The following GLRA2 variants were observed in gnomAD, a reference collection of about 807,000 sequenced individuals.
The protein encoded by GLRA2 is glycine receptor alpha 2.
A neutral mutation model predicts 31.6 loss-of-function variants in GLRA2; 11 were observed. That is an observed-to-expected ratio of 0.35 (90% CI 0.22 to 0.58). GLRA2 has a LOEUF of 0.58. Ranked by LOEUF, GLRA2 falls within the 20% of genes least tolerant of loss-of-function variation. GLRA2 has a pLI of 0.84. For missense variants in GLRA2, 212 were observed against 351.8 expected (o/e 0.60, Z 3.18); for synonymous variants, 132 against 134.0 (o/e 0.99, Z 0.10).
intron 2 of GLRA2, among the ~76,000 whole-genome samples, chrX:14,549,551 G>A (rs751386678): frequency 9.0e-6 from 1 of 111,667 alleles, no homozygotes; most frequent in Admixed American, 9.5e-5. Context: ...TAGAAAACGG[G>A]CAAGATTCAC....
At chrX:14,690,667 C>G (rs1346802172) in intron 7 of GLRA2, 43 bp from the exon 8 acceptor site, 3 of 920,497 alleles carry the variant, frequency 3.3e-6, no homozygotes, top group Non-Finnish European at 4.7e-6. Flanking sequence ...CTTTCTCTCT[C>G]TCTCTCTCTC....
chrX:14,461,215 A>C, the GLRA2 span, among the ~76,000 whole-genome samples: 4 of 112,149 alleles, frequency 3.6e-5, no homozygotes, highest in Admixed American at 9.5e-5. Context: ...CTAGTCTGAA[A>C]GACAGTTGTG....
At chrX:14,610,403 G>A (rs1327649385) in intron 7 of GLRA2, among the ~76,000 whole-genome samples, 1 of 111,406 alleles carries the variant, frequency 9.0e-6, no homozygotes, top group Non-Finnish European at 1.9e-5. Context: ...GGTTTTATAT[G>A]GTCATAGAGA....
chrX:14,542,906 C>T (rs1279872776), intron 2 of GLRA2, among the ~76,000 whole-genome samples: 1 of 109,837 alleles, frequency 9.1e-6, no homozygotes, highest in Admixed American at 9.7e-5. Context: ...TTTCTGGAGT[C>T]CCCTTGGCTA....
At chrX:14,601,094 G>A (rs1342886121) in intron 4 of GLRA2, among the ~76,000 whole-genome samples, 1 of 108,331 alleles carries the variant, frequency 9.2e-6, no homozygotes, top group Non-Finnish European at 1.9e-5. Flanking sequence ...ACAAAATTGT[G>A]TTTTCAAAAA....
intron 8 of GLRA2, among the ~76,000 whole-genome samples, chrX:14,715,430 AT>A (rs771274432): frequency 1.8e-5 from 2 of 112,360 alleles, no homozygotes; most frequent in South Asian, 7.4e-4. Flanking sequence ...ATGTAGGAAG[AT>A]TCAGCCAAGT....
At chrX:14,626,885 G>A (rs1372366365) in intron 7 of GLRA2, among the ~76,000 whole-genome samples, 1 of 111,864 alleles carries the variant, frequency 8.9e-6, no homozygotes, top group Admixed American at 9.5e-5. Context: ...AATATTTGCT[G>A]CATAATTTTA....
intron 7 of GLRA2, among the ~76,000 whole-genome samples, chrX:14,629,038 A>G (rs925685788): frequency 8.1e-5 from 9 of 111,637 alleles, no homozygotes; most frequent in African/African-American, 2.9e-4. Flanking sequence ...TGGATTCAAG[A>G]TAAATATTGA....
chrX:14,585,987 C>T (rs1160319172), intron 4 of GLRA2, among the ~76,000 whole-genome samples: 1 of 112,059 alleles, frequency 8.9e-6, no homozygotes, highest in Non-Finnish European at 1.9e-5. Context: ...GGAAAAATTC[C>T]ATGCTTTTCT....
At chrX:14,516,020 C>T in the GLRA2 span, among the ~76,000 whole-genome samples, 1 of 111,890 alleles carries the variant, frequency 8.9e-6, no homozygotes, top group Non-Finnish European at 1.9e-5. Flanking sequence ...TAATTATAGT[C>T]ACAAACCTAC....
intron 7 of GLRA2, among the ~76,000 whole-genome samples, chrX:14,643,678 T>C (rs1194142000): frequency 8.9e-6 from 1 of 111,985 alleles, no homozygotes; most frequent in African/African-American, 3.2e-5. Flanking sequence ...TATTTGCTTT[T>C]TGAGCTCTCC....
At chrX:14,612,829 T>TG (rs1376760839) in intron 7 of GLRA2, among the ~76,000 whole-genome samples, 42 of 29,989 alleles carry the variant, frequency 1.4e-3, no homozygotes, top group Non-Finnish European at 2.0e-3. Context: ...TGTCGGAGGG[T>TG]GGGGGGGCTA....
chrX:14,495,941 G>C, the GLRA2 span, among the ~76,000 whole-genome samples: 1 of 110,974 alleles, frequency 9.0e-6, no homozygotes, highest in East Asian at 2.8e-4. Flanking sequence ...GTGGTTTTCA[G>C]GATAGTTTTG....
At chrX:14,509,724 CCAG>C in the GLRA2 span, among the ~76,000 whole-genome samples, 1 of 112,228 alleles carries the variant, frequency 8.9e-6, no homozygotes, top group African/African-American at 3.2e-5. Context: ...AATTTCAAAT[CCAG>C]CTCCTAACTA....
the GLRA2 span, among the ~76,000 whole-genome samples, chrX:14,462,415 T>A: frequency 8.9e-6 from 1 of 111,788 alleles, no homozygotes; most frequent in Admixed American, 9.5e-5. Context: ...TTGGGGAAGT[T>A]CTCCTGGATA....
At chrX:14,605,115 T>G (rs1329826833) in intron 5 of GLRA2, among the ~76,000 whole-genome samples, 1 of 111,840 alleles carries the variant, frequency 8.9e-6, no homozygotes. Context: ...TTAAGAGATA[T>G]GAATTTCTTT....
intron 2 of GLRA2, among the ~76,000 whole-genome samples, chrX:14,562,804 C>T (rs2089750440): frequency 9.0e-6 from 1 of 111,513 alleles, no homozygotes; most frequent in African/African-American, 3.3e-5. Context: ...ACTTAACTAA[C>T]CCTTTATAGA....
the GLRA2 span, among the ~76,000 whole-genome samples, chrX:14,484,288 A>G: frequency 8.9e-6 from 1 of 111,998 alleles, no homozygotes; most frequent in Non-Finnish European, 1.9e-5. Flanking sequence ...TAATGATGCA[A>G]ATGGAAAATG....
chrX:14,500,113 A>G, the GLRA2 span, among the ~76,000 whole-genome samples: 1 of 112,026 alleles, frequency 8.9e-6, no homozygotes, highest in East Asian at 2.8e-4. Context: ...TCTTACACAA[A>G]ATATTTTTAT....
Sources: allele counts gnomAD v4.1 joint callset (sites outside exome capture counted in the v4.1 genomes callset), GRCh38; gene constraint gnomAD v4.1.1; transcripts MANE v1.5; gene names NCBI Gene and HGNC (gene_info 2026-07-23, HGNC 2026-07-21).